Variants in SLAIN2 observed in about 807,000 individuals in gnomAD.
SLAIN2 encodes the protein SLAIN motif-containing protein 2.
SLAIN2 carries 31 observed loss-of-function variants against 56.6 expected under a neutral mutation model. The observed-to-expected ratio is 0.55, with a 90% CI of 0.41 to 0.74. The LOEUF is 0.74. Among genes scored for constraint, SLAIN2 ranks in the 30% least tolerant of loss-of-function variants. SLAIN2 has a pLI of 0.00. For synonymous variants in SLAIN2, 317 were observed against 284.9 expected, an observed-to-expected ratio of 1.11 and a Z score of -1.13; for missense variants, 777 against 754.2, an observed-to-expected ratio of 1.03 and a Z score of -0.35.
chr4:48,371,939 GCCAAA>G (rs1391055306), intron 2 of SLAIN2, among the ~76,000 whole-genome samples: 1 of 150,334 alleles, frequency 6.7e-6, no homozygotes, highest in Non-Finnish European at 1.5e-5. Context: ...AGACCCTGTT[GCCAAA>G]ACAAAACAAA....
At chr4:48,412,423 CT>C in intron 6 of SLAIN2, among the ~76,000 whole-genome samples, 1 of 29,008 alleles carries the variant, frequency 3.4e-5, no homozygotes, top group Non-Finnish European at 1.1e-4. Flanking sequence ...CACATTCCCT[CT>C]CTCTCTCTCT....
chr4:48,420,082 C>A, intron 6 of SLAIN2, 43 bp from the exon 7 acceptor site: 1 of 1,588,558 alleles, frequency 6.3e-7, no homozygotes, highest in Non-Finnish European at 8.6e-7. Context: ...TTCATATATA[C>A]AGATTTCCAC....
At chr4:48,346,173 C>T (rs1405645821) in intron 1 of SLAIN2, among the ~76,000 whole-genome samples, 2 of 152,062 alleles carry the variant, frequency 1.3e-5, no homozygotes, top group Non-Finnish European at 2.9e-5. Flanking sequence ...TCTTCACAAA[C>T]TTTTTTTTCA....
intron 6 of SLAIN2, among the ~76,000 whole-genome samples, chr4:48,405,847 A>G (rs1239791570): frequency 6.6e-6 from 1 of 152,156 alleles, no homozygotes; most frequent in Non-Finnish European, 1.5e-5. Flanking sequence ...GGAAATTCAG[A>G]CCAAATATTT....
chr4:48,382,760 C>T lies in SLAIN2; in HGVS notation c.1055C>T (p.Pro352Leu), dbSNP rs866212190. Residue 352 changes from proline (P) to leucine (L), a missense_variant, in exon 5 of 8, where the codon CCG becomes CTG. By Grantham distance (98) the Pro-to-Leu change is moderately conservative (BLOSUM62 -3). Transcript: ENST00000264313. Reference protein sequence around the residue: ...FSPSPRNSPRPSPKQSPRNSP... With the variant: ...FSPSPRNSPRLSPKQSPRNSP... ...CCATCACCACGCAATTCACCTCGACCGTCACCTAAGCAGTCACCCAGAAAT... is the reference window on the plus strand; with the variant it reads ...CCATCACCACGCAATTCACCTCGACTGTCACCTAAGCAGTCACCCAGAAAT... The T allele has an allele frequency of 1.2e-5, 19 of 1,613,562 alleles. No individual in the cohort carries two copies. The highest frequency in any genetic ancestry group is 2.7e-5 in the African/African-American group (2 of 74,802).
Position 48,341,537 on chromosome 4 carries a change from A to G in SLAIN2, c.-203A>G. On this transcript the variant is annotated 5_prime_UTR_variant, in exon 1 of 8. Coordinates refer to ENST00000264313, the MANE Select transcript of SLAIN2 (RefSeq NM_020846.2). ...TTGGCGCCGCCTCCCCCAATCCCGGAGCCGGCGCAGATGAGGCAGTTCGGC... is the reference window on the plus strand; with the variant it reads ...TTGGCGCCGCCTCCCCCAATCCCGGGGCCGGCGCAGATGAGGCAGTTCGGC... The G allele has an allele frequency of 1.5e-6, 1 of 671,118 alleles. No individual in the cohort carries two copies. Among genetic ancestry groups the G allele is most frequent in the Non-Finnish European group, 2.2e-6 (1 of 453,948 alleles). 41.6% of individuals were successfully genotyped at this position (671,118 alleles called of 1,614,324 possible).
intron 2 of SLAIN2, among the ~76,000 whole-genome samples, chr4:48,371,102 T>C (rs146088641): frequency 6.1e-4 from 92 of 150,664 alleles, no homozygotes; most frequent in African/African-American, 2.1e-3. Flanking sequence ...TTTTTGTTTT[T>C]TGTTTTGTTT....
At chr4:48,371,273 G>A (rs1342735083) in intron 2 of SLAIN2, among the ~76,000 whole-genome samples, 4 of 151,906 alleles carry the variant, frequency 2.6e-5, no homozygotes, top group African/African-American at 9.7e-5. Context: ...GGATTTTACC[G>A]TGTTAGCCAG....
intron 1 of SLAIN2, among the ~76,000 whole-genome samples, chr4:48,360,821 G>A: frequency 6.6e-6 from 1 of 152,110 alleles, no homozygotes; most frequent in South Asian, 2.1e-4. Flanking sequence ...ACTTGTCTCA[G>A]ATTTGCCTAT....
intron 6 of SLAIN2, 47 bp downstream of exon 6, chr4:48,383,831 G>T (rs371749266): frequency 5.0e-5 from 77 of 1,555,388 alleles, no homozygotes; most frequent in Admixed American, 7.4e-5. Flanking sequence ...TTAAAGAGAA[G>T]TGAAAATTTT....
chr4:48,348,338 G>T (rs1188628655), intron 1 of SLAIN2, among the ~76,000 whole-genome samples: 1 of 152,118 alleles, frequency 6.6e-6, no homozygotes, highest in African/African-American at 2.4e-5. Context: ...AAGTTGAATT[G>T]GGTGAATTCT....
chr4:48,374,240 CT>C (rs915651281), intron 2 of SLAIN2, among the ~76,000 whole-genome samples: 5 of 151,936 alleles, frequency 3.3e-5, no homozygotes, highest in African/African-American at 1.2e-4. Context: ...GGACTTTATT[CT>C]TTTTCTTTTT....
intron 1 of SLAIN2, among the ~76,000 whole-genome samples, chr4:48,347,492 A>T (rs1176115987): frequency 6.6e-6 from 1 of 152,094 alleles, no homozygotes; most frequent in Non-Finnish European, 1.5e-5. Flanking sequence ...CAAGTGATCC[A>T]CCTGCTTCAC....
Position 48,359,516 on chromosome 4 carries a change from C to A in SLAIN2, c.390-10333C>A, listed in dbSNP as rs567951846. On this transcript the variant is annotated intron_variant, in intron 1 of 7. Transcript: ENST00000264313. ...AGCAAAGTAACTCCTGTCTCCCTTC[C>A]TCTCCCCATTATTTACTTATTAATA... 6.6e-5 allele frequency among the ~76,000 whole-genome samples: 10 copies of A among 152,322 alleles called. No homozygotes were observed. In the South Asian group the frequency reaches 1.7e-3, roughly 25 times the overall value.
chr4:48,399,027 G>A (rs1716481565), intron 6 of SLAIN2, among the ~76,000 whole-genome samples: 1 of 152,084 alleles, frequency 6.6e-6, no homozygotes, highest in South Asian at 2.1e-4. Flanking sequence ...TTCTAATTCT[G>A]TAAAGAATGT....
intron 6 of SLAIN2, among the ~76,000 whole-genome samples, chr4:48,400,086 A>G (rs1428148923): frequency 6.6e-6 from 1 of 152,128 alleles, no homozygotes; most frequent in African/African-American, 2.4e-5. Flanking sequence ...TGTACCAGCC[A>G]TTCTTTGTAC....
In SLAIN2 at chr4:48,382,759, C is replaced by T; in HGVS notation, c.1054C>T (p.Pro352Ser). The change falls in exon 5 of 8, where the codon CCG (proline) becomes TCG (serine). Residue 352 changes from proline to serine, a missense_variant. Coordinates refer to ENST00000264313, the MANE Select transcript of SLAIN2 (RefSeq NM_020846.2). ...ACCATCACCACGCAATTCACCTCGA[C>T]CGTCACCTAAGCAGTCACCCAGAAA... is the stretch of plus-strand genomic sequence containing the variant. ...FSPSPRNSPR[P>S]SPKQSPRNSP... 1 of 1,613,700 alleles carries T rather than the reference C, an allele frequency of 6.2e-7. No individual in the cohort carries two copies. Among genetic ancestry groups the T allele is most frequent in the Non-Finnish European group, 8.5e-7 (1 of 1,179,854 alleles).
At chr4:48,377,227 G>A (rs1715843026) in intron 2 of SLAIN2, among the ~76,000 whole-genome samples, 1 of 151,712 alleles carries the variant, frequency 6.6e-6, no homozygotes, top group Non-Finnish European at 1.5e-5. Context: ...CTGTCGCCCA[G>A]GCTGGAGTGC....
chr4:48,347,812 C>T (rs954883363), intron 1 of SLAIN2, among the ~76,000 whole-genome samples: 7 of 152,196 alleles, frequency 4.6e-5, no homozygotes, highest in African/African-American at 1.7e-4. Flanking sequence ...TTCTGCTTCT[C>T]TGTCTATGAA....
Sources: gnomAD v4.1 joint callset for allele counts (sites outside exome capture counted in the v4.1 genomes callset) on GRCh38, gnomAD v4.1.1 for gene constraint, MANE v1.5 for transcripts, NCBI Gene and HGNC (gene_info 2026-07-23, HGNC 2026-07-21) for gene names.